PDS5B: variants seen among roughly 807,000 people sequenced by gnomAD.
The protein encoded by PDS5B is PDS5 cohesin associated factor B, also known as sister chromatid cohesion protein PDS5 homolog B.
Under a neutral mutation model 184.1 loss-of-function variants are expected in PDS5B, and 51 were observed. The ratio of observed to expected loss-of-function variants is 0.28; its 90% CI spans 0.22 to 0.35. PDS5B has a LOEUF of 0.35. Among genes scored for constraint, PDS5B ranks in the 10% least tolerant of loss-of-function variants. PDS5B has a pLI of 1.00. For missense variants in PDS5B, 1,180 were observed against 1,723.3 expected, an observed-to-expected ratio of 0.68 and a Z score of 5.58; for synonymous variants, 566 against 569.2, an observed-to-expected ratio of 0.99 and a Z score of 0.08.
chr13:32,631,285 G>A (rs114508422), intron 1 of PDS5B, among the ~76,000 whole-genome samples: 3,272 of 151,586 alleles, frequency 0.022, 68 homozygotes, highest in South Asian at 0.061. Flanking sequence ...TAGTGGTGGC[G>A]TTTCACCATG....
chr13:32,612,062 T>C lies in PDS5B; in HGVS notation c.-20+25469T>C, dbSNP rs1318565785. ...TCAGACTGTGCATCTTTTTTTTTTT[T>C]CCTTCACGTAGGCCATCCCTCAGGA... is the stretch of plus-strand genomic sequence containing the variant. On this transcript the variant is annotated intron_variant, in intron 1 of 34. Coordinates refer to ENST00000315596, the MANE Select transcript of PDS5B (RefSeq NM_015032.4). Among the ~76,000 whole-genome samples the C allele has an allele frequency of 2.0e-5, 3 of 152,142 alleles. No homozygotes were observed. In the East Asian group the frequency reaches 5.8e-4, roughly 29 times the overall value.
In PDS5B at chr13:32,630,433, G is replaced by A. The variant is rs144113154; in HGVS notation, c.-19-18321G>A. On this transcript the variant is annotated intron_variant, in intron 1 of 34. Transcript: ENST00000315596. Reference sequence around the variant, plus strand: ...CTCATATCTAGTGAGTAGAGCCCAGGGATGCTGCTGAACATTGTACAATGC... The same window carrying A: ...CTCATATCTAGTGAGTAGAGCCCAGAGATGCTGCTGAACATTGTACAATGC... Among the ~76,000 whole-genome samples the A allele has an allele frequency of 4.1e-4, 63 of 152,190 alleles. No individual in the cohort carries two copies. The East Asian group carries it at 9.7e-3, about 23-fold the overall frequency.
Position 32,725,713 on chromosome 13 carries a change from C to CT in PDS5B, c.2124-6382dup, listed in dbSNP as rs564136588. 5.1e-4 allele frequency among the ~76,000 whole-genome samples: 78 copies of CT among 152,206 alleles called. 1 individual carries two copies. In the South Asian group the frequency reaches 0.016, roughly 30 times the overall value. On this transcript the variant is annotated intron_variant, in intron 19 of 34. Coordinates refer to ENST00000315596, the MANE Select transcript of PDS5B (RefSeq NM_015032.4). ...GAACTTCAATTTTACATTTATATCT[C>CT]TTTTTTCCCTCATGGCACAGGATAA...
At position 32,770,242 on chromosome 13, in the gene PDS5B, G is replaced by A. The variant is rs750883382; in HGVS notation, c.3746G>A (p.Ser1249Asn). The A allele has an allele frequency of 1.2e-6, 2 of 1,614,042 alleles. No homozygotes were observed. Among genetic ancestry groups the A allele is most frequent in the South Asian group, 1.1e-5 (1 of 91,070 alleles). Reference sequence around the variant, plus strand: ...CAGAAACCTAAAGGCAGTCAGCGAAGTCGGAAAAGAGGCCATACGGCTTCA... The same window carrying A: ...CAGAAACCTAAAGGCAGTCAGCGAAATCGGAAAAGAGGCCATACGGCTTCA... The part of the protein sequence containing the change: ...QEQKPKGSQR[S>N]RKRGHTASES... The change falls in exon 32 of 35, where the codon AGT becomes AAT. Residue 1249 changes from serine (S) to asparagine (N), a missense_variant. Coordinates refer to ENST00000315596, the MANE Select transcript of PDS5B (RefSeq NM_015032.4).
At chr13:32,771,432 T>G (rs902755811) in intron 33 of PDS5B, among the ~76,000 whole-genome samples, 2 of 152,194 alleles carry the variant, frequency 1.3e-5, no homozygotes, top group African/African-American at 4.8e-5. Context: ...TTTTTTCTCC[T>G]TAGTTATGTG....
At chr13:32,721,127 A>G (rs1209705756) in intron 19 of PDS5B, among the ~76,000 whole-genome samples, 1 of 152,228 alleles carries the variant, frequency 6.6e-6, no homozygotes, top group Non-Finnish European at 1.5e-5. Context: ...CACCATTGTC[A>G]TCATGGCCCG....
intron 1 of PDS5B, among the ~76,000 whole-genome samples, chr13:32,643,011 A>G (rs1246955682): frequency 6.6e-6 from 1 of 152,046 alleles, no homozygotes; most frequent in African/African-American, 2.4e-5. Flanking sequence ...TGCTTGATAA[A>G]TTTTTGGTTA....
intron 22 of PDS5B, among the ~76,000 whole-genome samples, chr13:32,741,997 G>T (rs1159020825): frequency 6.6e-6 from 1 of 151,970 alleles, no homozygotes; most frequent in African/African-American, 2.4e-5. Flanking sequence ...TTACCAACTG[G>T]CCAGGAAAGA....
chr13:32,589,777 C>T (rs562538378), intron 1 of PDS5B, among the ~76,000 whole-genome samples: 1 of 142,248 alleles, frequency 7.0e-6, no homozygotes, highest in Admixed American at 6.9e-5. Flanking sequence ...CCAGTAGTTT[C>T]TCTGAGAGTG....
rs763954128 is a variant in PDS5B at position 32,699,754 on chromosome 13, C to T, written c.1625C>T (p.Ala542Val). The T allele has an allele frequency of 3.9e-6, 6 of 1,547,886 alleles. No homozygotes were observed. Among genetic ancestry groups the T allele is most frequent in the Non-Finnish European group, 5.2e-6 (6 of 1,150,916 alleles). ...GGAAATTTACCTGATCCTGGTAAGGCTCAGGATTTCATGAAGAAATTCACA... is the reference window on the plus strand; with the variant it reads ...GGAAATTTACCTGATCCTGGTAAGGTTCAGGATTTCATGAAGAAATTCACA... Reference protein sequence around the residue: ...ITRNLPDPGKAQDFMKKFTQV... With the variant: ...ITRNLPDPGKVQDFMKKFTQV... The change falls in exon 16 of 35, where the codon GCT becomes GTT. Residue 542 changes from alanine (A) to valine (V), a missense_variant. Around this residue, in one of 11 missense-constraint regions of PDS5B, gnomAD observed 475 missense variants for 691.5 expected, o/e 0.69. Transcript: ENST00000315596.
intron 30 of PDS5B, chr13:32,763,302 T>G (rs1021511124): frequency 2.0e-5 from 3 of 152,518 alleles, no homozygotes; most frequent in Non-Finnish European, 4.4e-5. Flanking sequence ...AAAATTGCCC[T>G]GATGATTTGT....
chr13:32,709,253 T>C (rs1952124212), intron 18 of PDS5B, among the ~76,000 whole-genome samples: 2 of 152,048 alleles, frequency 1.3e-5, no homozygotes, highest in South Asian at 4.1e-4. Context: ...TTTTTGTTGT[T>C]TTTATTTTTT....
In PDS5B at chr13:32,775,570, T is replaced by C; in HGVS notation, c.*518T>C. ...TTGGAGAGTTAAATGGTCTCTTCCCTTTGTGTATCTTACCTAGTGTTTACT... is the reference window on the plus strand; with the variant it reads ...TTGGAGAGTTAAATGGTCTCTTCCCCTTGTGTATCTTACCTAGTGTTTACT... On this transcript the variant is annotated 3_prime_UTR_variant, in exon 35 of 35. Transcript: ENST00000315596. 2.3e-6 allele frequency: 1 copy of C among 438,716 alleles called. No homozygotes were observed. 27.2% of individuals were successfully genotyped at this position (438,716 alleles called of 1,614,324 possible). A position where few individuals can be genotyped will look rare whatever the true frequency, so the allele number is the denominator to read the frequency against.
At chr13:32,685,724 C>A (rs1328972650) in intron 11 of PDS5B, among the ~76,000 whole-genome samples, 3 of 152,100 alleles carry the variant, frequency 2.0e-5, no homozygotes, top group Non-Finnish European at 4.4e-5. Flanking sequence ...CGGCTCATTG[C>A]ATCCTTGACC....
chr13:32,604,985 T>G (rs941046000), intron 1 of PDS5B, among the ~76,000 whole-genome samples: 4 of 152,246 alleles, frequency 2.6e-5, no homozygotes, highest in African/African-American at 9.6e-5. Context: ...TTAGTCTTGC[T>G]AGCAGTCTAT....
chr13:32,678,304 G>A (rs756588143), intron 9 of PDS5B, among the ~76,000 whole-genome samples: 7 of 152,006 alleles, frequency 4.6e-5, no homozygotes, highest in African/African-American at 2.4e-5. Context: ...TGGCCTTGCC[G>A]TTAGTGGCAG....
rs960671649 is a variant in PDS5B at position 32,776,900 on chromosome 13, A to G, written c.*1848A>G. ...ATTCAACTATTCTTCATTTACAACA[A>G]TAGTGACACCAGTAATTATGAGAGG... On this transcript the variant is annotated 3_prime_UTR_variant, in exon 35 of 35. Transcript: ENST00000315596. 1 of 152,504 alleles carries G rather than the reference A, an allele frequency of 6.6e-6. No individual in the cohort carries two copies. Among genetic ancestry groups the G allele is most frequent in the Non-Finnish European group, 1.5e-5 (1 of 67,916 alleles). 9.4% of individuals were successfully genotyped at this position (152,504 alleles called of 1,614,324 possible). A position where few individuals can be genotyped will look rare whatever the true frequency, so the allele number is the denominator to read the frequency against.
chr13:32,635,633 T>TGCCTG (rs2058538677), intron 1 of PDS5B, among the ~76,000 whole-genome samples: 1 of 148,894 alleles, frequency 6.7e-6, no homozygotes, highest in African/African-American at 2.5e-5. Context: ...TGAGCCACTG[T>TGCCTG]GCCTGGCCTG....
intron 6 of PDS5B, among the ~76,000 whole-genome samples, chr13:32,664,929 A>T (rs1950745547): frequency 6.6e-6 from 1 of 152,232 alleles, no homozygotes; most frequent in Non-Finnish European, 1.5e-5. Context: ...TCTAAAACTG[A>T]TGTGAAAGAG....
Sources: gnomAD v4.1 joint callset for allele counts (sites outside exome capture counted in the v4.1 genomes callset) on GRCh38, gnomAD v4.1.1 for gene constraint, gnomAD v4.1.1 regional missense constraint, MANE v1.5 for transcripts, NCBI Gene and HGNC (gene_info 2026-07-23, HGNC 2026-07-21) for gene names.